Variants in SGCZ observed in about 807,000 individuals in gnomAD.
SGCZ encodes sarcoglycan zeta, also known as zeta-sarcoglycan.
A neutral mutation model predicts 41.3 loss-of-function variants in SGCZ; 40 were observed. That is an observed-to-expected ratio of 0.97 (90% CI 0.75 to 1.26). The LOEUF (loss-of-function observed/expected upper bound fraction) is 1.26, where lower values mean the gene tolerates loss of function less well. Among genes scored for constraint, SGCZ ranks in the 50% most tolerant of loss-of-function variants. The pLI, the probability that SGCZ is intolerant of heterozygous loss-of-function variation, is 0.00. For missense variants in SGCZ, 552 were observed against 369.8 expected, an observed-to-expected ratio of 1.49 and a Z score of -4.04; for synonymous variants, 206 against 137.5, an observed-to-expected ratio of 1.50 and a Z score of -3.49.
At chr8:14,244,889 C>T (rs1407672083) in intron 3 of SGCZ, among the ~76,000 whole-genome samples, 1 of 151,970 alleles carries the variant, frequency 6.6e-6, no homozygotes, top group Non-Finnish European at 1.5e-5. Context: ...ATTTGGCTCT[C>T]TGTTTGTCTG....
At chr8:14,118,347 G>T (rs1802588922) in intron 5 of SGCZ, among the ~76,000 whole-genome samples, 1 of 152,112 alleles carries the variant, frequency 6.6e-6, no homozygotes, top group African/African-American at 2.4e-5. Context: ...TTTCATAATT[G>T]TTGGCCACAT....
chr8:14,467,904 A>T lies in SGCZ; in HGVS notation c.234+86828T>A, dbSNP rs899862786. On this transcript the variant is annotated intron_variant, in intron 2 of 7. Coordinates refer to ENST00000382080, the MANE Select transcript of SGCZ (RefSeq NM_139167.4). ...ACTGCACACATGCTAAAGATTATGT[A>T]ATTCCCTTTTCTGGAAAATGTAAAA... Among the ~76,000 whole-genome samples the T allele has an allele frequency of 3.9e-5, 6 of 152,242 alleles. No individual in the cohort carries two copies. In the East Asian group the frequency reaches 1.2e-3, roughly 29 times the overall value.
At chr8:14,415,890 A>G (rs1440243374) in intron 2 of SGCZ, among the ~76,000 whole-genome samples, 1 of 151,924 alleles carries the variant, frequency 6.6e-6, no homozygotes, top group Non-Finnish European at 1.5e-5. Flanking sequence ...ACTGGTTAAC[A>G]AAACTTCATC....
intron 1 of SGCZ, among the ~76,000 whole-genome samples, chr8:14,996,601 G>A (rs1469859262): frequency 1.3e-5 from 2 of 152,146 alleles, no homozygotes; most frequent in African/African-American, 2.4e-5. Context: ...GAGGAAGTCA[G>A]ATGGTGGAAT....
intron 2 of SGCZ, among the ~76,000 whole-genome samples, chr8:14,552,747 T>C (rs868459918): frequency 6.6e-6 from 1 of 152,020 alleles, no homozygotes; most frequent in Admixed American, 6.6e-5. Flanking sequence ...GGTGTCAGCA[T>C]GGGGCAAAGT....
At chr8:14,592,806 C>A (rs751313171) in intron 1 of SGCZ, among the ~76,000 whole-genome samples, 1 of 152,130 alleles carries the variant, frequency 6.6e-6, no homozygotes, top group African/African-American at 2.4e-5. Flanking sequence ...TGAAGGAAAT[C>A]AGAGTGGCTC....
intron 1 of SGCZ, among the ~76,000 whole-genome samples, chr8:15,219,085 T>C (rs1801507375): frequency 6.6e-6 from 1 of 152,230 alleles, no homozygotes; most frequent in African/African-American, 2.4e-5. Flanking sequence ...AGAGCTTTTC[T>C]ACTCAAATCA....
chr8:14,708,881 A>G (rs1264730175), intron 1 of SGCZ, among the ~76,000 whole-genome samples: 1 of 151,232 alleles, frequency 6.6e-6, no homozygotes, highest in Non-Finnish European at 1.5e-5. Context: ...CACATGTAAC[A>G]TTCAAATTCT....
At chr8:15,195,207 C>T (rs1352081340) in intron 1 of SGCZ, among the ~76,000 whole-genome samples, 3 of 152,112 alleles carry the variant, frequency 2.0e-5, no homozygotes, top group Non-Finnish European at 1.5e-5. Flanking sequence ...AATCATTTTC[C>T]GGGTACCCTG....
At chr8:14,974,623 G>A (rs1204004854) in intron 1 of SGCZ, among the ~76,000 whole-genome samples, 2 of 152,004 alleles carry the variant, frequency 1.3e-5, no homozygotes, top group African/African-American at 2.4e-5. Context: ...AGTGTTTTTT[G>A]AAGCTCCCCA....
intron 1 of SGCZ, among the ~76,000 whole-genome samples, chr8:14,627,045 T>C (rs1016351843): frequency 6.6e-6 from 1 of 152,216 alleles, no homozygotes; most frequent in African/African-American, 2.4e-5. Context: ...AGCTAATCTC[T>C]TTAATCTTGA....
intron 2 of SGCZ, among the ~76,000 whole-genome samples, chr8:14,553,784 A>G (rs1299094452): frequency 6.6e-6 from 1 of 152,066 alleles, no homozygotes; most frequent in African/African-American, 2.4e-5. Flanking sequence ...AAAACAAACA[A>G]ACAAACTTAA....
intron 4 of SGCZ, among the ~76,000 whole-genome samples, chr8:14,180,748 C>G (rs974088929): frequency 3.3e-5 from 5 of 152,040 alleles, no homozygotes; most frequent in African/African-American, 1.2e-4. Flanking sequence ...AGGGTTACCT[C>G]TGAAACTCCA....
intron 1 of SGCZ, among the ~76,000 whole-genome samples, chr8:15,078,047 G>A (rs1805603799): frequency 1.3e-5 from 2 of 151,320 alleles, no homozygotes; most frequent in African/African-American, 2.4e-5. Context: ...GAGCCACCAG[G>A]AATTCATGCC....
chr8:15,114,270 T>C (rs1450343293), intron 1 of SGCZ, among the ~76,000 whole-genome samples: 2 of 152,124 alleles, frequency 1.3e-5, no homozygotes, highest in East Asian at 1.9e-4. Flanking sequence ...TATATTTGAG[T>C]TCCTGTCTTT....
intron 2 of SGCZ, among the ~76,000 whole-genome samples, chr8:14,538,255 C>A (rs987535586): frequency 6.6e-6 from 1 of 151,850 alleles, no homozygotes; most frequent in African/African-American, 2.4e-5. Flanking sequence ...TTAGTGAAGG[C>A]AACCCTTAAA....
At chr8:14,642,124 C>G (rs1391786640) in intron 1 of SGCZ, among the ~76,000 whole-genome samples, 1 of 151,572 alleles carries the variant, frequency 6.6e-6, no homozygotes, top group Non-Finnish European at 1.5e-5. Flanking sequence ...CAGAGCACAG[C>G]CATACAGGCC....
At chr8:14,507,413 C>T (rs1325951898) in intron 2 of SGCZ, among the ~76,000 whole-genome samples, 4 of 141,594 alleles carry the variant, frequency 2.8e-5, no homozygotes, top group Admixed American at 1.4e-4. Flanking sequence ...CTGAAGTCTA[C>T]CTGTAATTTA....
intron 2 of SGCZ, among the ~76,000 whole-genome samples, chr8:14,378,229 G>T (rs1204048112): frequency 6.6e-6 from 1 of 151,270 alleles, no homozygotes; most frequent in Non-Finnish European, 1.5e-5. Flanking sequence ...ATTCTAACTG[G>T]TGTGAGATGG....
Sources: gnomAD v4.1 joint callset for allele counts (sites outside exome capture counted in the v4.1 genomes callset) on GRCh38, gnomAD v4.1.1 for gene constraint, MANE v1.5 for transcripts, NCBI Gene and HGNC (gene_info 2026-07-23, HGNC 2026-07-21) for gene names.